The following SLIT3 variants were observed in gnomAD, a reference collection of about 807,000 sequenced individuals.
SLIT3 encodes the protein slit guidance ligand 3.
In SLIT3, 68 loss-of-function variants were observed where a neutral mutation model predicts 184.0. That is an observed-to-expected ratio of 0.37 (90% CI 0.30 to 0.45). SLIT3 has a LOEUF of 0.45. Ranked by LOEUF, SLIT3 falls within the 20% of genes least tolerant of loss-of-function variation. The pLI is 1.00. For synonymous variants in SLIT3, 831 were observed against 828.6 expected (o/e 1.00, Z -0.05); for missense variants, 1,707 against 2,026.0 (o/e 0.84, Z 3.02).
chr5:168,709,358 A>C (rs956484631), intron 25 of SLIT3, among the ~76,000 whole-genome samples: 2 of 152,164 alleles, frequency 1.3e-5, no homozygotes, highest in African/African-American at 4.8e-5. Context: ...AGCCTCCCAA[A>C]GTACTGGGAT....
chr5:169,052,588 T>C (rs1328173236), intron 4 of SLIT3, among the ~76,000 whole-genome samples: 2 of 152,118 alleles, frequency 1.3e-5, no homozygotes, highest in Non-Finnish European at 2.9e-5. Context: ...GGAAGGAGAA[T>C]GTCAAAAAGA....
rs1328822051 is a variant in SLIT3, at chr5:169,300,497, G to T, written c.197+16C>A. ...CCAGGTGGGTGGCCCGCGTGGGGTG[G>T]GGCAGGGGTACTCACAGGCGCTCAG... On this transcript the variant is annotated intron_variant, in intron 1 of 35. Transcript: ENST00000519560. The surrounding 1 kb of genome is among the most constrained non-coding windows in gnomAD (Gnocchi z 4.1). 4 of 1,481,476 alleles carry T rather than the reference G, an allele frequency of 2.7e-6. No homozygotes were observed. The East Asian group carries it at 1.2e-4, about 43-fold the overall frequency. The allele number at this position is 1,481,476 out of a possible 1,614,324, so 91.8% of individuals were successfully genotyped here.
At chr5:168,695,891 T>C (rs1040439660) in intron 28 of SLIT3, among the ~76,000 whole-genome samples, 1 of 152,228 alleles carries the variant, frequency 6.6e-6, no homozygotes, top group African/African-American at 2.4e-5. Flanking sequence ...TTTGTATCCC[T>C]AGCTCCTAGC....
intron 3 of SLIT3, 86 bp downstream of exon 3, chr5:169,244,619 G>T: frequency 8.3e-7 from 1 of 1,202,426 alleles, no homozygotes; most frequent in Non-Finnish European, 1.2e-6. Context: ...AGGTTATAAG[G>T]CCAATTTACA....
intron 1 of SLIT3, among the ~76,000 whole-genome samples, chr5:169,290,273 A>G (rs560002548): frequency 2.6e-5 from 4 of 151,474 alleles, no homozygotes; most frequent in African/African-American, 7.3e-5. Context: ...ATATTAGGGC[A>G]TATGCTAGGG....
chr5:169,118,721 C>A (rs1221080707), intron 4 of SLIT3, among the ~76,000 whole-genome samples: 1 of 152,164 alleles, frequency 6.6e-6, no homozygotes, highest in Non-Finnish European at 1.5e-5. Flanking sequence ...TTGGCATTTT[C>A]AGGAACCTGT....
rs1297078919 is a variant in SLIT3, at chr5:168,673,179, C to T, written c.3839G>A (p.Gly1280Glu). The stretch of plus-strand genomic sequence containing the variant: ...GTGGTAGGGAAAGAGGGCATTACCT[C>T]CAAGGTAGAGGGGGCTGTTGATGCC... The part of the protein sequence containing the change: ...AVGINSPLYL[G>E]GIPTSTGLSA... Residue 1280 changes from glycine (G) to glutamate (E), a missense_variant and splice_region_variant, in exon 33 of 36, where the codon GGA becomes GAA. Transcript: ENST00000519560. 6 of 1,613,168 alleles carry T rather than the reference C, an allele frequency of 3.7e-6. No individual in the cohort carries two copies. Among genetic ancestry groups the T allele is most frequent in the Non-Finnish European group, 5.1e-6 (6 of 1,179,688 alleles).
Position 169,182,730 on chromosome 5 carries a change from C to T in SLIT3, c.413+10749G>A, listed in dbSNP as rs59106843. Among the ~76,000 whole-genome samples the T allele has an allele frequency of 1.0e-2, 1,518 of 152,278 alleles. 33 individuals carry two copies. Among genetic ancestry groups the T allele is most frequent in the African/African-American group, 0.035 (1,435 of 41,538 alleles). On this transcript the variant is annotated intron_variant, in intron 4 of 35. Coordinates refer to ENST00000519560, the MANE Select transcript of SLIT3 (RefSeq NM_003062.4). ...GAATGTGTGTTTGGGTTCTGCTCAC[C>T]TCAAAAGGTTGTTATTTTTCTATAT...
At chr5:169,193,394 G>C in intron 4 of SLIT3, 85 bp downstream of exon 4, 1 of 1,135,690 alleles carries the variant, frequency 8.8e-7, no homozygotes, top group South Asian at 1.2e-5. Context: ...AGCTCCACAC[G>C]GCACGGCGCT....
At chr5:168,813,184 G>A (rs190927242) in intron 8 of SLIT3, among the ~76,000 whole-genome samples, 1 of 152,070 alleles carries the variant, frequency 6.6e-6, no homozygotes, top group African/African-American at 2.4e-5. Flanking sequence ...GATTTAGGAG[G>A]TCAACTAATA....
rs551960834 is a variant in SLIT3 at position 169,285,503 on chromosome 5, A to C, written c.197+15010T>G. Reference sequence around the variant, plus strand: ...GCAACTTCTGAGACTTCTTACATGGAGAGATGACCCCTACCCTTGCATGTG... The same window carrying C: ...GCAACTTCTGAGACTTCTTACATGGCGAGATGACCCCTACCCTTGCATGTG... On this transcript the variant is annotated intron_variant, in intron 1 of 35. Coordinates refer to ENST00000519560, the MANE Select transcript of SLIT3 (RefSeq NM_003062.4). Among the ~76,000 whole-genome samples the C allele has an allele frequency of 5.3e-5, 8 of 152,256 alleles. No individual in the cohort carries two copies. In the East Asian group the frequency reaches 1.5e-3, roughly 29 times the overall value.
chr5:169,163,346 T>C (rs1194709039), intron 4 of SLIT3, among the ~76,000 whole-genome samples: 5 of 152,302 alleles, frequency 3.3e-5, no homozygotes, highest in African/African-American at 9.6e-5. Flanking sequence ...GCCAGGCTGA[T>C]AGTCAAATTC....
intron 4 of SLIT3, among the ~76,000 whole-genome samples, chr5:169,076,295 A>G (rs915557096): frequency 6.6e-6 from 1 of 152,212 alleles, no homozygotes; most frequent in Non-Finnish European, 1.5e-5. Context: ...GAGAGACCAT[A>G]TATTAGCACT....
chr5:169,257,722 T>C (rs1227526012), intron 1 of SLIT3, among the ~76,000 whole-genome samples: 1 of 151,642 alleles, frequency 6.6e-6, no homozygotes. Context: ...CTGGCTAATT[T>C]TTTTGCATTT....
At chr5:168,783,810 G>T (rs1447809782) in intron 12 of SLIT3, among the ~76,000 whole-genome samples, 2 of 152,132 alleles carry the variant, frequency 1.3e-5, no homozygotes, top group African/African-American at 2.4e-5. Flanking sequence ...CCCAGTTACT[G>T]GTTCTTTCTG....
intron 4 of SLIT3, among the ~76,000 whole-genome samples, chr5:168,941,927 A>T (rs946492541): frequency 6.6e-6 from 1 of 152,172 alleles, no homozygotes; most frequent in Non-Finnish European, 1.5e-5. Flanking sequence ...TCCTTTTAGC[A>T]CCCAGCACTG....
At chr5:168,692,807 C>T in intron 28 of SLIT3, 107 bp from the exon 29 acceptor site, 1 of 748,084 alleles carries the variant, frequency 1.3e-6, no homozygotes, top group Non-Finnish European at 2.3e-6. Context: ...TCAGACTCAT[C>T]CAGCCCCTGG....
chr5:169,098,450 C>T (rs1220410052), intron 4 of SLIT3, among the ~76,000 whole-genome samples: 1 of 152,146 alleles, frequency 6.6e-6, no homozygotes, highest in African/African-American at 2.4e-5. Context: ...ATTTTTATAG[C>T]CTTAAGCTAG....
chr5:169,052,197 A>G (rs1757841934), intron 4 of SLIT3, among the ~76,000 whole-genome samples: 1 of 152,196 alleles, frequency 6.6e-6, no homozygotes, highest in Non-Finnish European at 1.5e-5. Context: ...CCCACATGGA[A>G]ACATGAAAAG....
Sources: allele counts gnomAD v4.1 joint callset (sites outside exome capture counted in the v4.1 genomes callset), GRCh38; gene constraint gnomAD v4.1.1; non-coding constraint Gnocchi (gnomAD v3.1); transcripts MANE v1.5; gene names NCBI Gene and HGNC (gene_info 2026-07-23, HGNC 2026-07-21).